The following ODR4 variants were observed in gnomAD, a reference collection of about 807,000 sequenced individuals.
ODR4 encodes the protein protein odr-4 homolog.
A neutral mutation model predicts 60.2 loss-of-function variants in ODR4; 47 were observed. The observed-to-expected ratio is 0.78, with a 90% CI of 0.62 to 1.00. ODR4 has a LOEUF of 1.00. ODR4 is among the 50% of genes least tolerant of loss of function. The probability of loss-of-function intolerance (pLI) is 0.00; values close to 1 mark genes in which losing one functional copy is unlikely to be tolerated. For synonymous variants in ODR4, 178 were observed against 175.5 expected (o/e 1.01, Z -0.11); for missense variants, 488 against 530.8 (o/e 0.92, Z 0.79).
At chr1:186,383,756 T>TAA (rs35781318) in intron 3 of ODR4, among the ~76,000 whole-genome samples, 13 of 148,672 alleles carry the variant, frequency 8.7e-5, no homozygotes, top group South Asian at 2.1e-4. Flanking sequence ...TAGTTATATT[T>TAA]AAAAAAAAAA....
intron 12 of ODR4, among the ~76,000 whole-genome samples, chr1:186,414,842 A>G (rs932658660): frequency 7.9e-5 from 12 of 152,152 alleles, no homozygotes; most frequent in African/African-American, 2.2e-4. Context: ...TTTAACAGAG[A>G]TATTTGCTCA....
Position 186,390,768 on chromosome 1 carries a change from T to C in ODR4, c.532T>C (p.Ser178Pro), listed in dbSNP as rs770217455. 8 of 1,613,078 alleles carry C rather than the reference T, an allele frequency of 5.0e-6. No individual in the cohort carries two copies. In the Admixed American group the frequency reaches 8.3e-5, roughly 17 times the overall value. Residue 178 changes from serine (S) to proline (P), a missense_variant, in exon 7 of 14, where the codon TCT becomes CCT. By Grantham distance (74) the Ser-to-Pro change is moderately conservative. Transcript: ENST00000287859. ...YQSGLSSSWL[S>P]LECTVHINIH... ...AAGTGGATTATCATCCTCATGGCTTTCTTTAGAGTGTACAGTTCACATTAA... is the reference window on the plus strand; with the variant it reads ...AAGTGGATTATCATCCTCATGGCTTCCTTTAGAGTGTACAGTTCACATTAA...
chr1:186,402,016 C>A (rs996054091), intron 11 of ODR4, among the ~76,000 whole-genome samples: 3 of 151,986 alleles, frequency 2.0e-5, no homozygotes, highest in South Asian at 4.1e-4. Context: ...CTGATTCAAT[C>A]GTGATTTTTT....
intron 3 of ODR4, among the ~76,000 whole-genome samples, chr1:186,383,902 G>C (rs1156455449): frequency 6.6e-6 from 1 of 152,054 alleles, no homozygotes; most frequent in Non-Finnish European, 1.5e-5. Flanking sequence ...AGCCAGGTGT[G>C]GTGGCAGGTG....
chr1:186,386,645 G>A (rs1660263494), intron 4 of ODR4, among the ~76,000 whole-genome samples: 1 of 152,068 alleles, frequency 6.6e-6, no homozygotes, highest in South Asian at 2.1e-4. Context: ...TATTTTAGAG[G>A]TAATTTCTGA....
chr1:186,383,675 G>GTATATATATATATATATA (rs1435664889), intron 3 of ODR4, among the ~76,000 whole-genome samples: 1 of 114,744 alleles, frequency 8.7e-6, no homozygotes, highest in African/African-American at 3.3e-5. Flanking sequence ...TTCTGTGTAT[G>GTATATATATATATATATA]TAGATATATA....
downstream of ODR4, among the ~76,000 whole-genome samples, chr1:186,425,405 C>T (rs555735046): frequency 1.3e-5 from 2 of 152,260 alleles, no homozygotes; most frequent in East Asian, 1.9e-4. Context: ...CGTCTAATTC[C>T]TTATGATTCT....
At chr1:186,378,585 T>C (rs1469865075) in intron 1 of ODR4, among the ~76,000 whole-genome samples, 2 of 152,156 alleles carry the variant, frequency 1.3e-5, no homozygotes, top group Non-Finnish European at 2.9e-5. Flanking sequence ...GAGCTACCCG[T>C]AGTAATGATT....
chr1:186,413,404 CAAGT>C (rs753763948), intron 12 of ODR4, among the ~76,000 whole-genome samples: 1 of 152,090 alleles, frequency 6.6e-6, no homozygotes, highest in East Asian at 1.9e-4. Context: ...ACATATTTGC[CAAGT>C]AAGTATCTTA....
chr1:186,378,118 C>T (rs1375057808), intron 1 of ODR4, among the ~76,000 whole-genome samples: 1 of 151,728 alleles, frequency 6.6e-6, no homozygotes, highest in East Asian at 1.9e-4. Flanking sequence ...CTCATTGAAA[C>T]AATAAGGAAA....
At chr1:186,391,029 G>A (rs1274767675) in intron 7 of ODR4, among the ~76,000 whole-genome samples, 178 bp downstream of exon 7, 1 of 152,016 alleles carries the variant, frequency 6.6e-6, no homozygotes, top group Non-Finnish European at 1.5e-5. Flanking sequence ...TTTAGAAGTG[G>A]AACAATGTCA....
chr1:186,379,783 A>C lies in ODR4; in HGVS notation c.-3A>C. 6.4e-7 allele frequency: 1 copy of C among 1,567,280 alleles called. No homozygotes were observed. The highest frequency in any genetic ancestry group is 8.6e-7 in the Non-Finnish European group (1 of 1,160,374). ...GTGATATAGGAGATTTTAGTTCCTAAAAATGGGAAGAACCTACATTGTAGA... is the reference window on the plus strand; with the variant it reads ...GTGATATAGGAGATTTTAGTTCCTACAAATGGGAAGAACCTACATTGTAGA... On this transcript the variant is annotated 5_prime_UTR_variant, in exon 2 of 14. Transcript: ENST00000287859.
rs776469582 is a variant in ODR4, at chr1:186,383,149, C to G, written c.227C>G (p.Ala76Gly). ...GATGAAGAATGGGCCACAGAACATG[C>G]CTGCCAGGTTATCTTATTTTTTTGT... ...NLDEEWATEH[A>G]CQVSRMLPGG... The change falls in exon 3 of 14, where the codon GCC becomes GGC. Residue 76 changes from alanine to glycine, a missense_variant. Ala to Gly is a moderately conservative substitution (Grantham distance 60). Coordinates refer to ENST00000287859, the MANE Select transcript of ODR4 (RefSeq NM_017847.6). The G allele has an allele frequency of 3.3e-5, 51 of 1,543,764 alleles. No homozygotes were observed. In the Admixed American group the frequency reaches 3.7e-4, roughly 11 times the overall value.
chr1:186,383,287 C>G, intron 3 of ODR4, 131 bp downstream of exon 3: 1 of 1,018,284 alleles, frequency 9.8e-7, no homozygotes, highest in Non-Finnish European at 1.4e-6. Flanking sequence ...GATTTTTAGT[C>G]TGGGTGTCTA....
rs376107364 is a variant in ODR4 at position 186,419,052 on chromosome 1, C to G, written c.1341C>G (p.Ile447Met). ...AFTVAVLAAGISFHYFSD is the reference protein window; with the variant it reads ...AFTVAVLAAGMSFHYFSD Reference sequence around the variant, plus strand: ...CAGTTGCAGTCCTTGCTGCGGGTATCTCCTTTCATTACTTCAGTGATTAGG... The same window carrying G: ...CAGTTGCAGTCCTTGCTGCGGGTATGTCCTTTCATTACTTCAGTGATTAGG... The change falls in exon 14 of 14, where the codon ATC becomes ATG. Residue 447 changes from isoleucine to methionine, a missense_variant. Ile to Met is a conservative substitution (Grantham distance 10). Transcript: ENST00000287859. 35 of 1,610,890 alleles carry G rather than the reference C, an allele frequency of 2.2e-5. No individual in the cohort carries two copies. The African/African-American group carries it at 4.5e-4, about 21-fold the overall frequency.
intron 12 of ODR4, among the ~76,000 whole-genome samples, chr1:186,416,321 T>C (rs1282232812): frequency 6.6e-6 from 1 of 151,736 alleles, no homozygotes; most frequent in Non-Finnish European, 1.5e-5. Flanking sequence ...AGATCACTTA[T>C]AGTCAGGAGT....
intron 11 of ODR4, among the ~76,000 whole-genome samples, chr1:186,405,799 A>G (rs527417559): frequency 2.0e-4 from 30 of 152,070 alleles, no homozygotes; most frequent in Admixed American, 1.5e-3. Context: ...TGATCTGCCC[A>G]CCTCAGCCTC....
At chr1:186,390,590 C>A in intron 6 of ODR4, 121 bp from the exon 7 acceptor site, 1 of 985,836 alleles carries the variant, frequency 1.0e-6, no homozygotes, top group Non-Finnish European at 1.5e-6. Context: ...AGGGTTTAGC[C>A]ATATATGTTA....
At chr1:186,380,201 T>G (rs1188006678) in intron 2 of ODR4, among the ~76,000 whole-genome samples, 23 of 152,212 alleles carry the variant, frequency 1.5e-4, no homozygotes, top group Non-Finnish European at 3.2e-4. Context: ...CCAAAGTGTT[T>G]TGTATTCCCT....
Sources: allele counts gnomAD v4.1 joint callset (sites outside exome capture counted in the v4.1 genomes callset), GRCh38; gene constraint gnomAD v4.1.1; transcripts MANE v1.5; gene names NCBI Gene and HGNC (gene_info 2026-07-23, HGNC 2026-07-21).